Variants in FAM184A observed in about 807,000 individuals in gnomAD.
The protein encoded by FAM184A is protein FAM184A.
A neutral mutation model predicts 143.8 loss-of-function variants in FAM184A; 99 were observed. The ratio of observed to expected loss-of-function variants is 0.69; its 90% CI spans 0.58 to 0.81. The LOEUF is 0.81. Among genes scored for constraint, FAM184A ranks in the 40% least tolerant of loss-of-function variants. The pLI is 0.00. For missense variants in FAM184A, 1,217 were observed against 1,310.5 expected (o/e 0.93, Z 1.10); for synonymous variants, 427 against 446.4 (o/e 0.96, Z 0.55).
chr6:119,041,370 C>T (rs1786321916), intron 1 of FAM184A, among the ~76,000 whole-genome samples: 1 of 152,168 alleles, frequency 6.6e-6, no homozygotes, highest in African/African-American at 2.4e-5. Flanking sequence ...CCTTTAAACA[C>T]GGGGCTTGCA....
chr6:119,069,319 CT>C (rs1473396339), intron 1 of FAM184A, among the ~76,000 whole-genome samples: 1 of 151,824 alleles, frequency 6.6e-6, no homozygotes, highest in East Asian at 1.9e-4. Context: ...ACACACCTTC[CT>C]CCCAAAATTC....
At chr6:119,020,577 G>A (rs1785411304) in intron 3 of FAM184A, among the ~76,000 whole-genome samples, 1 of 152,064 alleles carries the variant, frequency 6.6e-6, no homozygotes, top group Non-Finnish European at 1.5e-5. Context: ...TGAGTGATTC[G>A]TTCTTTTCTA....
rs1397920617 is a variant in FAM184A, at chr6:118,964,718, G to A, written c.3087C>T (p.Asn1029=). The A allele has an allele frequency of 6.2e-7, 1 of 1,609,826 alleles. No individual in the cohort carries two copies. Among genetic ancestry groups the A allele is most frequent in the South Asian group, 1.1e-5 (1 of 90,728 alleles). ...CAGTAGGACTTGAGTTAAACACTTT[G>A]TTGAAGTTAGTTTCTCGATTGACTA... ...LELVNRETNF[N]KVFNSSPTVG... Residue 1029 remains asparagine, a synonymous_variant, in exon 16 of 18, where the codon AAC becomes AAT. Coordinates refer to ENST00000338891, the MANE Select transcript of FAM184A (RefSeq NM_024581.6).
chr6:119,034,019 A>AATATATATATATAT (rs1166841690), intron 1 of FAM184A, among the ~76,000 whole-genome samples: 1 of 63,526 alleles, frequency 1.6e-5, no homozygotes, highest in African/African-American at 6.5e-5. Context: ...AAAAAAAAAA[A>AATATATATATATAT]ATATATATAT....
chr6:118,999,775 G>C (rs939168838), intron 9 of FAM184A, among the ~76,000 whole-genome samples: 1 of 152,138 alleles, frequency 6.6e-6, no homozygotes, highest in Non-Finnish European at 1.5e-5. Context: ...ACTACCACAG[G>C]AGACTGCAAG....
At chr6:119,104,311 A>G (rs1484166510) in intron 1 of FAM184A, among the ~76,000 whole-genome samples, 1 of 152,210 alleles carries the variant, frequency 6.6e-6, no homozygotes, top group African/African-American at 2.4e-5. Context: ...CTGGCCAACC[A>G]TAGTTCTAAA....
chr6:119,080,862 GAA>G (rs1232855045), upstream of FAM184A, among the ~76,000 whole-genome samples: 1 of 152,162 alleles, frequency 6.6e-6, no homozygotes, highest in African/African-American at 2.4e-5. Context: ...TCTTCATAAA[GAA>G]AAGAGGTTGA....
At chr6:119,095,608 CA>C in intron 1 of FAM184A, among the ~76,000 whole-genome samples, 1 of 152,138 alleles carries the variant, frequency 6.6e-6, no homozygotes, top group Non-Finnish European at 1.5e-5. Flanking sequence ...GCCCAGGCTA[CA>C]GTGCAATGGT....
upstream of FAM184A, among the ~76,000 whole-genome samples, chr6:119,082,701 G>A (rs1431949109): frequency 6.6e-6 from 1 of 152,222 alleles, no homozygotes. Context: ...CAAGGCCTTG[G>A]GCAGCTCTGC....
chr6:118,960,596 C>G (rs180968146), intron 17 of FAM184A, among the ~76,000 whole-genome samples: 82 of 152,232 alleles, frequency 5.4e-4, no homozygotes, highest in African/African-American at 2.0e-3. Context: ...GTATTTTTTA[C>G]TATATGCATT....
At chr6:118,964,240 G>A (rs971955417) in intron 16 of FAM184A, among the ~76,000 whole-genome samples, 2 of 152,102 alleles carry the variant, frequency 1.3e-5, no homozygotes, top group African/African-American at 4.8e-5. Flanking sequence ...CTGACGATTG[G>A]TAGGCAACAA....
intron 1 of FAM184A, among the ~76,000 whole-genome samples, chr6:119,046,610 C>T (rs762188332): frequency 4.0e-5 from 6 of 151,842 alleles, no homozygotes; most frequent in Non-Finnish European, 7.4e-5. Context: ...TTACTATGCC[C>T]ATGCAATTTC....
chr6:119,086,289 A>C (rs1353875697), intron 1 of FAM184A, among the ~76,000 whole-genome samples: 1 of 152,228 alleles, frequency 6.6e-6, no homozygotes, highest in Non-Finnish European at 1.5e-5. Context: ...ACTAAAAAGT[A>C]GTCTCTTCAG....
chr6:119,027,095 G>A (rs749518577), intron 1 of FAM184A, among the ~76,000 whole-genome samples: 7 of 152,168 alleles, frequency 4.6e-5, no homozygotes, highest in South Asian at 4.2e-4. Context: ...TCTTTAGTCA[G>A]GGCTTACCTC....
intron 9 of FAM184A, among the ~76,000 whole-genome samples, chr6:118,982,873 G>A (rs995080491): frequency 6.6e-6 from 1 of 152,106 alleles, no homozygotes; most frequent in Non-Finnish European, 1.5e-5. Context: ...AATTTCTCCA[G>A]CTAAAATAAA....
chr6:119,045,141 G>A (rs1482517397), intron 1 of FAM184A, among the ~76,000 whole-genome samples: 1 of 152,174 alleles, frequency 6.6e-6, no homozygotes, highest in Admixed American at 6.5e-5. Context: ...AGCCAAAAGT[G>A]ACATTCCTTC....
intron 10 of FAM184A, among the ~76,000 whole-genome samples, chr6:118,979,852 G>A (rs1326035166): frequency 1.3e-5 from 2 of 151,518 alleles, no homozygotes; most frequent in African/African-American, 4.8e-5. Context: ...AGACCAGCCT[G>A]GGCAACATAG....
chr6:119,015,577 G>A (rs1387396915), intron 5 of FAM184A, among the ~76,000 whole-genome samples: 1 of 152,232 alleles, frequency 6.6e-6, no homozygotes, highest in Non-Finnish European at 1.5e-5. Context: ...CAGGCCTCGG[G>A]ACTGCAGCCC....
At chr6:119,055,960 A>T (rs1383695201) in intron 1 of FAM184A, among the ~76,000 whole-genome samples, 1 of 152,200 alleles carries the variant, frequency 6.6e-6, no homozygotes, top group Non-Finnish European at 1.5e-5. Context: ...TATGATAAAC[A>T]CATGCAGAAG....
Sources: allele counts gnomAD v4.1 joint callset (sites outside exome capture counted in the v4.1 genomes callset), GRCh38; gene constraint gnomAD v4.1.1; transcripts MANE v1.5; gene names NCBI Gene and HGNC (gene_info 2026-07-23, HGNC 2026-07-21).